The following SVIL variants were observed in gnomAD, a reference collection of about 807,000 sequenced individuals.
SVIL encodes the protein archvillin.
Under a neutral mutation model 240.4 loss-of-function variants are expected in SVIL, and 101 were observed. The ratio of observed to expected loss-of-function variants is 0.42; its 90% CI spans 0.36 to 0.50. The LOEUF is 0.50. SVIL is among the 20% of genes least tolerant of loss of function. The pLI is 0.01. For missense variants in SVIL, 2,512 were observed against 2,818.7 expected (o/e 0.89, Z 2.46); for synonymous variants, 999 against 1,100.0 (o/e 0.91, Z 1.82).
chr10:29,680,259 G>A lies in SVIL; in HGVS notation c.-301+6294C>T, dbSNP rs117620321. 1.1e-3 allele frequency among the ~76,000 whole-genome samples: 169 copies of A among 152,240 alleles called. No homozygotes were observed. The East Asian group carries it at 0.029, about 26-fold the overall frequency. On this transcript the variant is annotated intron_variant, in intron 2 of 35. Transcript: ENST00000375400. ...CAGACTGGCACATGTTCTCATAGGC[G>A]TTCTGTCCACTCTCCCCGTCCCACC...
intron 12 of SVIL, among the ~76,000 whole-genome samples, chr10:29,528,492 A>C (rs1951099615): frequency 6.6e-6 from 1 of 152,188 alleles, no homozygotes; most frequent in South Asian, 2.1e-4. Context: ...TAGCTCCAGC[A>C]CTTTGGGAGG....
intron 1 of SVIL, among the ~76,000 whole-genome samples, chr10:29,705,239 G>A (rs537826814): frequency 1.1e-4 from 17 of 152,130 alleles, no homozygotes; most frequent in Non-Finnish European, 7.4e-5. Flanking sequence ...CTTTATTCAC[G>A]GACAAAAGGA....
At chr10:29,727,583 A>AAACC (rs1964363556) in intron 1 of SVIL, among the ~76,000 whole-genome samples, 1 of 152,178 alleles carries the variant, frequency 6.6e-6, no homozygotes, top group Non-Finnish European at 1.5e-5. Flanking sequence ...TGCAATAGCC[A>AAACC]AACCACCTGG....
chr10:29,668,709 GGT>G (rs1446507116), intron 2 of SVIL, among the ~76,000 whole-genome samples: 1 of 152,102 alleles, frequency 6.6e-6, no homozygotes, highest in Admixed American at 6.6e-5. Flanking sequence ...CCTGACCTCA[GGT>G]GATCCACCCA....
intron 1 of SVIL, among the ~76,000 whole-genome samples, chr10:29,579,833 T>A (rs1176666789): frequency 6.6e-6 from 1 of 151,932 alleles, no homozygotes; most frequent in African/African-American, 2.4e-5. Flanking sequence ...GCCAGCCATT[T>A]CCCACCAGGG....
intron 32 of SVIL, among the ~76,000 whole-genome samples, chr10:29,468,756 A>T (rs915931804): frequency 6.6e-6 from 1 of 152,090 alleles, no homozygotes; most frequent in African/African-American, 2.4e-5. Flanking sequence ...TTACTCATGA[A>T]TGGAAAAATG....
intron 1 of SVIL, among the ~76,000 whole-genome samples, chr10:29,623,967 T>C (rs1460458446): frequency 6.6e-6 from 1 of 152,206 alleles, no homozygotes; most frequent in Non-Finnish European, 1.5e-5. Flanking sequence ...TTTGTGGAAA[T>C]GCACTCCATG....
chr10:29,486,422 T>C lies in SVIL; in HGVS notation c.4621A>G (p.Thr1541Ala). Residue 1541 changes from threonine (T) to alanine (A), a missense_variant, in exon 25 of 38, where the codon ACC becomes GCC. Around this residue, in one of 3 missense-constraint regions of SVIL, gnomAD observed 797 missense variants for 925.3 expected, o/e 0.86. Transcript: ENST00000355867. ...AATGAAGTCTTACATTGGTAACTGGTTTGGCCACCCAGAAGCTTCCAGAAG... is the reference window on the plus strand; with the variant it reads ...AATGAAGTCTTACATTGGTAACTGGCTTGGCCACCCAGAAGCTTCCAGAAG... ...KDFWKLLGGQ[T>A]SYQSAGDPKE... The C allele has an allele frequency of 6.2e-7, 1 of 1,614,182 alleles. No homozygotes were observed. The highest frequency in any genetic ancestry group is 1.3e-5 in the African/African-American group (1 of 75,058).
intron 2 of SVIL, among the ~76,000 whole-genome samples, chr10:29,662,195 C>G (rs974739003): frequency 6.6e-6 from 1 of 152,160 alleles, no homozygotes. Context: ...TTTCACAGAG[C>G]CTTAGGCACT....
intron 1 of SVIL, among the ~76,000 whole-genome samples, chr10:29,693,168 A>G (rs1961645431): frequency 1.3e-5 from 2 of 152,154 alleles, no homozygotes; most frequent in African/African-American, 4.8e-5. Flanking sequence ...CATTTTACAG[A>G]TCAGGAAACT....
chr10:29,543,477 T>C (rs529432372), intron 6 of SVIL, among the ~76,000 whole-genome samples: 1 of 152,314 alleles, frequency 6.6e-6, no homozygotes, highest in African/African-American at 2.4e-5. Flanking sequence ...CTAAAACCCT[T>C]AGGTCTGTTT....
intron 3 of SVIL, among the ~76,000 whole-genome samples, chr10:29,649,366 C>T: frequency 6.6e-6 from 1 of 152,092 alleles, no homozygotes; most frequent in East Asian, 1.9e-4. Context: ...TTCTTCTGAA[C>T]CCCCACGGCA....
upstream of SVIL, among the ~76,000 whole-genome samples, chr10:29,639,886 G>C (rs1404039860): frequency 6.6e-6 from 1 of 152,092 alleles, no homozygotes; most frequent in Non-Finnish European, 1.5e-5. Flanking sequence ...ATAAAACCTA[G>C]ATCCAAACTC....
chr10:29,480,616 C>T lies in SVIL; in HGVS notation c.5298G>A (p.Arg1766=). Residue 1766 remains arginine (R), a synonymous_variant, in exon 29 of 38, where the codon AGG becomes AGA. Coordinates refer to ENST00000355867, the MANE Select transcript of SVIL (RefSeq NM_021738.3). ...ACTGCCCGATGCTTTGTTTGGGGAG[C>T]CTGCTATAGTCGAATTCCAGGATGT... The part of the protein sequence containing the change: ...VWHILEFDYS[R]LPKQSIGQFH... The T allele has an allele frequency of 6.2e-7, 1 of 1,614,192 alleles. No individual in the cohort carries two copies. The highest frequency in any genetic ancestry group is 8.5e-7 in the Non-Finnish European group (1 of 1,180,036).
intron 2 of SVIL, among the ~76,000 whole-genome samples, chr10:29,665,739 A>C (rs1002980808): frequency 1.4e-4 from 21 of 152,168 alleles, no homozygotes; most frequent in African/African-American, 5.1e-4. Context: ...GCTTGCAGTG[A>C]GCCAAGATTG....
intron 1 of SVIL, among the ~76,000 whole-genome samples, chr10:29,691,822 A>C (rs1028871638): frequency 6.6e-6 from 1 of 152,184 alleles, no homozygotes; most frequent in Non-Finnish European, 1.5e-5. Flanking sequence ...ATAGGTAGAC[A>C]CTCGAATTAT....
upstream of SVIL, among the ~76,000 whole-genome samples, chr10:29,636,423 GA>G (rs930008097): frequency 4.6e-5 from 7 of 152,112 alleles, no homozygotes; most frequent in Non-Finnish European, 8.8e-5. Context: ...CCTAAAAAAA[GA>G]TTCACTCCCA....
chr10:29,684,299 G>A (rs1447378939), intron 2 of SVIL, among the ~76,000 whole-genome samples: 1 of 152,182 alleles, frequency 6.6e-6, no homozygotes, highest in Non-Finnish European at 1.5e-5. Context: ...ATCATGACCT[G>A]TGACACAGAC....
chr10:29,681,468 TGAG>T (rs146639565), intron 2 of SVIL, among the ~76,000 whole-genome samples: 15,911 of 145,940 alleles, frequency 0.11, 1,039 homozygotes, highest in Admixed American at 0.2. Context: ...GAGAGAAGAA[TGAG>T]GAGGAGGAGG....
Sources: gnomAD v4.1 joint callset for allele counts (sites outside exome capture counted in the v4.1 genomes callset) on GRCh38, gnomAD v4.1.1 for gene constraint, gnomAD v4.1.1 regional missense constraint, MANE v1.5 for transcripts, NCBI Gene and HGNC (gene_info 2026-07-23, HGNC 2026-07-21) for gene names.